The following AAMDC variants were observed in gnomAD, a reference collection of about 807,000 sequenced individuals.
AAMDC encodes the protein adipogenesis associated Mth938 domain containing, also known as mth938 domain-containing protein.
In AAMDC, 16 loss-of-function variants were observed where a neutral mutation model predicts 15.5. The ratio of observed to expected loss-of-function variants is 1.03; its 90% confidence interval spans 0.70 to 1.57. The LOEUF (loss-of-function observed/expected upper bound fraction) is 1.57. AAMDC is among the 40% of genes most tolerant of loss of function. The pLI is 0.00. For synonymous variants in AAMDC, 51 were observed against 51.6 expected, an observed-to-expected ratio of 0.99 and a Z score of 0.05; for missense variants, 141 against 144.9, an observed-to-expected ratio of 0.97 and a Z score of 0.14.
At chr11:77,847,880 C>T (rs1220404748) in intron 2 of AAMDC, among the ~76,000 whole-genome samples, 1 of 152,048 alleles carries the variant, frequency 6.6e-6, no homozygotes, top group African/African-American at 2.4e-5. Flanking sequence ...CTAAAAACCC[C>T]GGGAGCTGAA....
At chr11:77,904,382 T>C (rs57055061), downstream of AAMDC, among the ~76,000 whole-genome samples, 23,490 of 152,260 alleles carry the variant, frequency 0.15, 2,141 homozygotes, top group Middle Eastern at 0.21. Flanking sequence ...AATTTTAAGA[T>C]ACAAAGACTA....
intron 2 of AAMDC, among the ~76,000 whole-genome samples, chr11:77,860,389 G>A (rs1950825980): frequency 1.3e-5 from 2 of 152,376 alleles, no homozygotes; most frequent in South Asian, 4.1e-4. Context: ...ATAAGCCAGT[G>A]TGGGCTGGGT....
chr11:77,894,496 T>G, intron 5 of AAMDC: 3 of 538,920 alleles, frequency 5.6e-6, no homozygotes, highest in Non-Finnish European at 1.0e-5. Flanking sequence ...AGACTCCTAA[T>G]GGACCTGGGG....
downstream of AAMDC, among the ~76,000 whole-genome samples, chr11:77,905,093 T>C (rs1367423874): frequency 2.0e-5 from 3 of 152,082 alleles, no homozygotes; most frequent in Non-Finnish European, 4.4e-5. Flanking sequence ...GTGTACTAAG[T>C]GGAGACTATC....
intron 5 of AAMDC, among the ~76,000 whole-genome samples, chr11:77,882,401 G>GT (rs57431477): frequency 0.75 from 114,128 of 151,990 alleles, 43,645 homozygotes; most frequent in African/African-American, 0.9. Flanking sequence ...GGACAAGTCA[G>GT]ACCCTCTCAA....
At chr11:77,849,282 C>T (rs370795712) in intron 2 of AAMDC, among the ~76,000 whole-genome samples, 6 of 151,934 alleles carry the variant, frequency 3.9e-5, no homozygotes, top group South Asian at 4.2e-4. Flanking sequence ...AATGCGGTGG[C>T]GTGACCTTGG....
intron 5 of AAMDC, among the ~76,000 whole-genome samples, chr11:77,894,600 A>T (rs1177126099): frequency 1.3e-5 from 2 of 152,240 alleles, no homozygotes; most frequent in Admixed American, 1.3e-4. Flanking sequence ...CACAGGCTAC[A>T]CTTGGCACTA....
chr11:77,882,682 C>G (rs940192826), intron 5 of AAMDC, among the ~76,000 whole-genome samples: 3 of 152,144 alleles, frequency 2.0e-5, no homozygotes, highest in African/African-American at 7.2e-5. Context: ...TCAACTACAC[C>G]AGGCCTACCA....
At chr11:77,844,158 A>G (rs1022550547) in intron 2 of AAMDC, among the ~76,000 whole-genome samples, 9 of 152,144 alleles carry the variant, frequency 5.9e-5, no homozygotes, top group African/African-American at 1.7e-4. Flanking sequence ...ATCCTTACAT[A>G]GTGGAAAGAG....
chr11:77,904,385 A>G (rs942092372), downstream of AAMDC, among the ~76,000 whole-genome samples: 12 of 152,262 alleles, frequency 7.9e-5, no homozygotes, highest in African/African-American at 2.9e-4. Flanking sequence ...TTTAAGATAC[A>G]AAGACTAAGT....
intron 5 of AAMDC, among the ~76,000 whole-genome samples, chr11:77,878,222 C>T (rs1412515038): frequency 2.0e-5 from 3 of 151,956 alleles, no homozygotes; most frequent in Non-Finnish European, 4.4e-5. Context: ...ATTAGCAAGG[C>T]GTGGTGACAG....
At position 77,846,007 on chromosome 11, in the gene AAMDC, AT is replaced by A. The variant is rs573558798; in HGVS notation, c.132+3390del. 6.4e-3 allele frequency among the ~76,000 whole-genome samples: 896 copies of A among 139,602 alleles called. 11 individuals are homozygous for A. Among genetic ancestry groups the A allele is most frequent in the Admixed American group, 0.025 (359 of 14,086 alleles). The allele number at this position is 139,602 out of a possible 152,430, so 91.6% of individuals were successfully genotyped here. On this transcript the variant is annotated intron_variant, in intron 2 of 3. Coordinates refer to ENST00000393427, the MANE Select transcript of AAMDC (RefSeq NM_024684.4). ...CTTTGTTGTTTTGTTTATATTTCTC[AT>A]TTTTTTTTTTGAGAACTGGACATTT...
At chr11:77,824,814 T>A (rs896805754) in intron 1 of AAMDC, among the ~76,000 whole-genome samples, 2 of 152,236 alleles carry the variant, frequency 1.3e-5, no homozygotes, top group African/African-American at 4.8e-5. Flanking sequence ...CTATAAACAC[T>A]GCATTCAACT....
At chr11:77,834,299 T>A (rs1009611736) in intron 1 of AAMDC, among the ~76,000 whole-genome samples, 14 of 152,270 alleles carry the variant, frequency 9.2e-5, no homozygotes, top group Non-Finnish European at 1.9e-4. Flanking sequence ...TTGAAGAAAT[T>A]AGAAGATGCA....
chr11:77,837,587 C>G (rs1949743535), intron 1 of AAMDC, among the ~76,000 whole-genome samples: 1 of 151,870 alleles, frequency 6.6e-6, no homozygotes, highest in Admixed American at 6.6e-5. Context: ...AGGTGTGCAT[C>G]ACTACGCCCG....
chr11:77,828,265 ACT>A (rs1244034953), intron 1 of AAMDC, among the ~76,000 whole-genome samples: 1 of 151,786 alleles, frequency 6.6e-6, no homozygotes, highest in Admixed American at 6.6e-5. Flanking sequence ...ACAGAGCGCA[ACT>A]CTGTCTCAAA....
chr11:77,876,612 C>T (rs1951601581), downstream of AAMDC, among the ~76,000 whole-genome samples: 1 of 152,102 alleles, frequency 6.6e-6, no homozygotes, highest in Admixed American at 6.6e-5. Context: ...GAATTCTATA[C>T]CCCCTAGTAC....
chr11:77,887,016 C>A (rs531155209), intron 5 of AAMDC, among the ~76,000 whole-genome samples: 2 of 151,748 alleles, frequency 1.3e-5, no homozygotes, highest in East Asian at 3.9e-4. Flanking sequence ...AAAATTGACA[C>A]CCTAACATCA....
chr11:77,878,659 T>C (rs985799870), intron 5 of AAMDC: 8 of 649,000 alleles, frequency 1.2e-5, no homozygotes, highest in Admixed American at 1.1e-4. Context: ...TGTAAGCACG[T>C]AGTATAAAAG....
Sources: gnomAD v4.1 joint callset for allele counts (sites outside exome capture counted in the v4.1 genomes callset) on GRCh38, gnomAD v4.1.1 for gene constraint, MANE v1.5 for transcripts, NCBI Gene and HGNC (gene_info 2026-07-23, HGNC 2026-07-21) for gene names.